AHCYL2: variants seen among roughly 807,000 people sequenced by gnomAD.
AHCYL2 encodes adenosylhomocysteinase like 2.
Under a neutral mutation model 81.4 loss-of-function variants are expected in AHCYL2, and 28 were observed. The ratio of observed to expected loss-of-function variants is 0.34; its 90% CI spans 0.25 to 0.47. AHCYL2 has a LOEUF of 0.47. Among genes scored for constraint, AHCYL2 ranks in the 20% least tolerant of loss-of-function variants. The pLI, the probability that AHCYL2 is intolerant of heterozygous loss-of-function variation, is 1.00. For synonymous variants in AHCYL2, 272 were observed against 290.2 expected (o/e 0.94, Z 0.64); for missense variants, 551 against 785.1 (o/e 0.70, Z 3.56).
At chr7:129,303,929 A>G (rs1797337352) in intron 1 of AHCYL2, among the ~76,000 whole-genome samples, 1 of 152,154 alleles carries the variant, frequency 6.6e-6, no homozygotes, top group Admixed American at 6.5e-5. Flanking sequence ...TACTAAAAAT[A>G]CAAAAAATTA....
At chr7:129,351,568 A>G (rs1194379433) in intron 1 of AHCYL2, 1 of 152,228 alleles carries the variant, frequency 6.6e-6, no homozygotes, top group Admixed American at 6.5e-5. Flanking sequence ...GGAAATCGCC[A>G]TTGGCAATGG....
intron 1 of AHCYL2, among the ~76,000 whole-genome samples, chr7:129,373,331 G>A (rs1472990136): frequency 1.3e-5 from 2 of 152,090 alleles, no homozygotes; most frequent in African/African-American, 4.8e-5. Context: ...GGATCACGAG[G>A]TCAGGAGATC....
rs753302438 is a variant in AHCYL2, at chr7:129,427,053, T to G, written c.*8T>G. 2.5e-6 allele frequency: 4 copies of G among 1,607,702 alleles called. No individual in the cohort carries two copies. The East Asian group carries it at 8.9e-5, about 36-fold the overall frequency. ...TTTCCCTCCAGGTATTAAGTTCCTG[T>G]AACTCAAACCAGAATTTTTAAGGAA... is the stretch of plus-strand genomic sequence containing the variant. On this transcript the variant is annotated 3_prime_UTR_variant, in exon 17 of 17. Transcript: ENST00000325006. The surrounding 1 kb of genome is among the most constrained non-coding windows in gnomAD (Gnocchi z 5.5).
At chr7:129,266,547 T>G (rs1418588347) in intron 1 of AHCYL2, among the ~76,000 whole-genome samples, 1 of 151,674 alleles carries the variant, frequency 6.6e-6, no homozygotes, top group Non-Finnish European at 1.5e-5. Flanking sequence ...AAAAAAAAAA[T>G]TACACCTTGG....
chr7:129,251,656 G>C (rs1795255627), intron 1 of AHCYL2, among the ~76,000 whole-genome samples: 1 of 152,100 alleles, frequency 6.6e-6, no homozygotes, highest in Non-Finnish European at 1.5e-5. Context: ...ACTGTGCCTG[G>C]CCAGCTGAAG....
At chr7:129,242,443 T>A (rs575320286) in intron 1 of AHCYL2, among the ~76,000 whole-genome samples, 3 of 151,590 alleles carry the variant, frequency 2.0e-5, no homozygotes, top group Non-Finnish European at 4.4e-5. Flanking sequence ...GGTGGCCGGG[T>A]GCAGTGGCTC....
chr7:129,277,455 T>G (rs1796263409), intron 1 of AHCYL2, among the ~76,000 whole-genome samples: 1 of 152,098 alleles, frequency 6.6e-6, no homozygotes, highest in African/African-American at 2.4e-5. Flanking sequence ...TTTTTTTGTA[T>G]TTTTAGTGGA....
intron 1 of AHCYL2, among the ~76,000 whole-genome samples, chr7:129,365,641 T>TATATATATAC (rs916726141): frequency 4.7e-5 from 7 of 149,068 alleles, no homozygotes; most frequent in African/African-American, 1.8e-4. Flanking sequence ...TATATATATA[T>TATATATATAC]ATATGGGTAT....
At chr7:129,279,152 T>C (rs1384845238) in intron 1 of AHCYL2, among the ~76,000 whole-genome samples, 1 of 152,178 alleles carries the variant, frequency 6.6e-6, no homozygotes, top group African/African-American at 2.4e-5. Flanking sequence ...TGGAGAGAAT[T>C]GATAGCTTAA....
chr7:129,370,508 C>T (rs1225474313), intron 1 of AHCYL2, among the ~76,000 whole-genome samples: 5 of 152,074 alleles, frequency 3.3e-5, no homozygotes, highest in East Asian at 1.9e-4. Flanking sequence ...ATCATCCTGG[C>T]TAACACAGTG....
At chr7:129,392,393 T>C (rs1795512388) in intron 4 of AHCYL2, among the ~76,000 whole-genome samples, 1 of 152,206 alleles carries the variant, frequency 6.6e-6, no homozygotes, top group Non-Finnish European at 1.5e-5. Flanking sequence ...CTGTTCCTTA[T>C]AGATGGCGCT....
intron 1 of AHCYL2, among the ~76,000 whole-genome samples, chr7:129,235,417 ATTCTTC>A (rs35487046): frequency 2.0e-5 from 3 of 150,536 alleles, no homozygotes; most frequent in Non-Finnish European, 4.4e-5. Flanking sequence ...CCTCCTTCTC[ATTCTTC>A]TTCTTCTTCT....
intron 4 of AHCYL2, among the ~76,000 whole-genome samples, chr7:129,390,249 A>G (rs770211408): frequency 6.6e-5 from 10 of 152,266 alleles, no homozygotes; most frequent in Admixed American, 6.5e-4. Context: ...AACTATTTAC[A>G]TAGCATTTAC....
In AHCYL2 at chr7:129,333,107, T is replaced by G. The variant is rs531513599; in HGVS notation, c.364-46531T>G. On this transcript the variant is annotated intron_variant, in intron 1 of 16. Transcript: ENST00000325006. ...CTGGAAAACTTGGAAAATGAATGGTTGTAGGGAATAGCATGGGATTTATGA... is the reference window on the plus strand; with the variant it reads ...CTGGAAAACTTGGAAAATGAATGGTGGTAGGGAATAGCATGGGATTTATGA... Among the ~76,000 whole-genome samples, 9 of 152,188 alleles carry G rather than the reference T, an allele frequency of 5.9e-5. No homozygotes were observed. The South Asian group carries it at 1.7e-3, about 28-fold the overall frequency.
At chr7:129,298,993 G>GA (rs533419468) in intron 1 of AHCYL2, among the ~76,000 whole-genome samples, 1 of 151,616 alleles carries the variant, frequency 6.6e-6, no homozygotes, top group East Asian at 1.9e-4. Flanking sequence ...TTATTGTAGC[G>GA]AAAAAAAGTA....
intron 1 of AHCYL2, chr7:129,375,854 G>A: frequency 6.5e-7 from 1 of 1,535,882 alleles, no homozygotes; most frequent in East Asian, 2.4e-5. Context: ...GTGGCAGTGG[G>A]GCTGGTAATG....
At chr7:129,374,314 CTTAGAG>C (rs958277327) in intron 1 of AHCYL2, among the ~76,000 whole-genome samples, 16 of 152,198 alleles carry the variant, frequency 1.1e-4, no homozygotes, top group South Asian at 4.2e-4. Flanking sequence ...CATTTGTTCT[CTTAGAG>C]TTAAACTTTC....
intron 1 of AHCYL2, among the ~76,000 whole-genome samples, chr7:129,302,735 T>C (rs1797297023): frequency 6.6e-6 from 1 of 152,202 alleles, no homozygotes; most frequent in Non-Finnish European, 1.5e-5. Context: ...GAATGATCTT[T>C]TTAATGTGTT....
chr7:129,319,324 G>T (rs1228889365), intron 1 of AHCYL2, among the ~76,000 whole-genome samples: 2 of 152,034 alleles, frequency 1.3e-5, no homozygotes, highest in South Asian at 2.1e-4. Flanking sequence ...GCCTGGTGGT[G>T]CCCACCTGTA....
Sources: gnomAD v4.1 joint callset for allele counts (sites outside exome capture counted in the v4.1 genomes callset) on GRCh38, gnomAD v4.1.1 for gene constraint, Gnocchi (gnomAD v3.1) non-coding constraint, MANE v1.5 for transcripts, NCBI Gene and HGNC (gene_info 2026-07-23, HGNC 2026-07-21) for gene names.